KIF22: variants seen among roughly 807,000 people sequenced by gnomAD.
KIF22 encodes kinesin family member 22, also known as kinesin-like protein KIF22.
Under a neutral mutation model 73.0 loss-of-function variants are expected in KIF22, and 62 were observed. The observed-to-expected ratio is 0.85, with a 90% CI of 0.69 to 1.05. The LOEUF (loss-of-function observed/expected upper bound fraction) is 1.05, where lower values mean the gene tolerates loss of function less well. Ranked by LOEUF, KIF22 falls within the 50% of genes least tolerant of loss-of-function variation. The probability of loss-of-function intolerance (pLI) is 0.00; values close to 1 mark genes in which losing one functional copy is unlikely to be tolerated. For synonymous variants in KIF22, 411 were observed against 340.1 expected, an observed-to-expected ratio of 1.21 and a Z score of -2.29; for missense variants, 854 against 870.1, an observed-to-expected ratio of 0.98 and a Z score of 0.23.
At chr16:29,796,055 G>A (rs551526623) in intron 1 of KIF22, among the ~76,000 whole-genome samples, 2 of 151,998 alleles carry the variant, frequency 1.3e-5, no homozygotes, top group Non-Finnish European at 2.9e-5. Flanking sequence ...CAGATCACTT[G>A]AGGTCAGGAA....
chr16:29,803,077 G>T, intron 9 of KIF22, 140 bp downstream of exon 9: 1 of 839,264 alleles, frequency 1.2e-6, no homozygotes, highest in Non-Finnish European at 1.9e-6. Flanking sequence ...GCTTCTGCTT[G>T]AATGTCCTTA....
At chr16:29,799,884 T>C (rs746405107) in intron 7 of KIF22, 29 bp from the exon 8 acceptor site, 1 of 1,613,056 alleles carries the variant, frequency 6.2e-7, no homozygotes, top group South Asian at 1.1e-5. Context: ...CCCCAATCCC[T>C]CTCTCCACCC....
chr16:29,802,987 C>T (rs1268067946), intron 9 of KIF22, 50 bp downstream of exon 9: 5 of 1,567,802 alleles, frequency 3.2e-6, no homozygotes, highest in Non-Finnish European at 4.4e-6. Flanking sequence ...CCTTGAGAAG[C>T]AATCCTTGGA....
intron 8 of KIF22, 58 bp from the exon 9 acceptor site, chr16:29,802,711 T>C: frequency 6.8e-7 from 1 of 1,469,378 alleles, no homozygotes; most frequent in South Asian, 1.4e-5. Context: ...GGAGTCCTGC[T>C]GCTGTAGGTG....
chr16:29,802,706 C>T, intron 8 of KIF22, 63 bp from the exon 9 acceptor site: 2 of 1,449,752 alleles, frequency 1.4e-6, no homozygotes, highest in Middle Eastern at 2.3e-4. Context: ...TGAGGGGAGT[C>T]CTGCTGCTGT....
intron 1 of KIF22, among the ~76,000 whole-genome samples, chr16:29,794,607 A>C (rs905511828): frequency 1.3e-5 from 2 of 151,806 alleles, no homozygotes; most frequent in African/African-American, 4.8e-5. Context: ...TCTGAGACAC[A>C]GTCTTGCTCT....
Position 29,797,664 on chromosome 16 carries a change from G to C in KIF22, c.266+576G>C, listed in dbSNP as rs1480421283. On this transcript the variant is annotated intron_variant, in intron 2 of 13. Coordinates refer to ENST00000160827, the MANE Select transcript of KIF22 (RefSeq NM_007317.3). This position sits in a 1 kb window ranked among gnomAD's most constrained non-coding sequence, Gnocchi z 4.1. ...TTTCTGACTACAGTGGCAGAGTTGA[G>C]TAGTTGTAAAAGGAACACATGGCCC... Among the ~76,000 whole-genome samples, 1 of 152,188 alleles carries C rather than the reference G, an allele frequency of 6.6e-6. No individual in the cohort carries two copies. The highest frequency in any genetic ancestry group is 1.5e-5 in the Non-Finnish European group (1 of 68,028).
chr16:29,798,977 A>G lies in KIF22; in HGVS notation c.552A>G (p.Val184=). The change falls in exon 5 of 14, where the codon GTA becomes GTG. Residue 184 remains valine (V), a splice_region_variant and synonymous_variant. Transcript: ENST00000160827. The surrounding 1 kb of genome is among the most constrained non-coding windows in gnomAD (Gnocchi z 4.1). Reference sequence around the variant, plus strand: ...CTTCCCCTTCACTGCTTACACAGGTATTAGACCTCCTGGACCCTGCTTCGG... The same window carrying G: ...CTTCCCCTTCACTGCTTACACAGGTGTTAGACCTCCTGGACCCTGCTTCGG... The part of the protein sequence containing the change: ...MSYLEIYQEK[V]LDLLDPASGD... 1 of 1,614,056 alleles carries G rather than the reference A, an allele frequency of 6.2e-7. No individual in the cohort carries two copies. Among genetic ancestry groups the G allele is most frequent in the Non-Finnish European group, 8.5e-7 (1 of 1,179,898 alleles).
intron 8 of KIF22, among the ~76,000 whole-genome samples, chr16:29,802,207 A>G (rs192151212): frequency 6.5e-4 from 95 of 145,444 alleles, no homozygotes; most frequent in African/African-American, 2.1e-3. Context: ...GGCCAAGGCT[A>G]TAGTGAGCTG....
In KIF22 at chr16:29,803,771, C is replaced by T. The variant is rs138684384; in HGVS notation, c.1609+163C>T. ...GGCAGTGCTGGGGGTGCTCTGCCCT[C>T]GGGTGTTTAGGACAGTGGGATGGAC... On this transcript the variant is annotated intron_variant, in intron 10 of 13. Coordinates refer to ENST00000160827, the MANE Select transcript of KIF22 (RefSeq NM_007317.3). Among the ~76,000 whole-genome samples the T allele has an allele frequency of 1.2e-3, 184 of 152,200 alleles. 2 individuals are homozygous for T. The highest frequency in any genetic ancestry group is 4.0e-3 in the African/African-American group (167 of 41,510).
At chr16:29,792,468 A>G in intron 1 of KIF22, 1 of 931,156 alleles carries the variant, frequency 1.1e-6, no homozygotes, top group Non-Finnish European at 1.3e-6. Flanking sequence ...TTTTTCAGCA[A>G]ATACTTCTTG....
intron 8 of KIF22, among the ~76,000 whole-genome samples, chr16:29,802,329 A>G (rs1207401871): frequency 6.6e-6 from 1 of 150,704 alleles, no homozygotes; most frequent in African/African-American, 2.4e-5. Context: ...GTCAGTCAGG[A>G]CTGCTTGAAC....
In KIF22 at chr16:29,798,780, C is replaced by T. The variant is rs774315041; in HGVS notation, c.549+33C>T. 3 of 1,604,860 alleles carry T rather than the reference C, an allele frequency of 1.9e-6. No individual in the cohort carries two copies. In the South Asian group the frequency reaches 3.3e-5, roughly 18 times the overall value. On this transcript the variant is annotated intron_variant, in intron 4 of 13. Transcript: ENST00000160827. The surrounding 1 kb of genome is among the most constrained non-coding windows in gnomAD (Gnocchi z 4.1). ...CCCGTGCTGGTTGGGAGAGGAGCAA[C>T]AAAGGGTCAAAGTAAGACCTGGTTC... is the stretch of plus-strand genomic sequence containing the variant.
At chr16:29,803,345 C>T in intron 9 of KIF22, 104 bp from the exon 10 acceptor site, 3 of 1,389,430 alleles carry the variant, frequency 2.2e-6, no homozygotes, top group Non-Finnish European at 2.0e-6. Flanking sequence ...CCTAGCCCTG[C>T]CCTCTGGGGG....
Position 29,799,989 on chromosome 16 carries a change from A to G in KIF22, c.1221A>G (p.Glu407=). 2 of 1,614,124 alleles carry G rather than the reference A, an allele frequency of 1.2e-6. No individual in the cohort carries two copies. Among genetic ancestry groups the G allele is most frequent in the Non-Finnish European group, 1.7e-6 (2 of 1,180,020 alleles). ...PEAKRARGPE[E]EEIGSPEPMA... is the part of the protein sequence containing the mutation. ...CAAAGAGAGCCCGAGGCCCTGAGGA[A>G]GAGGAGATCGGGAGCCCTGAGCCCA... is the stretch of plus-strand genomic sequence containing the variant. Residue 407 remains glutamate, a synonymous_variant, in exon 8 of 14, where the codon GAA becomes GAG. Coordinates refer to ENST00000160827, the MANE Select transcript of KIF22 (RefSeq NM_007317.3).
chr16:29,800,426 C>G (rs1899098273), intron 8 of KIF22, among the ~76,000 whole-genome samples: 1 of 151,926 alleles, frequency 6.6e-6, no homozygotes, highest in South Asian at 2.1e-4. Flanking sequence ...CCATTGCACT[C>G]CAGCCTGGGC....
At chr16:29,800,410 TTG>T (rs1183680869) in intron 8 of KIF22, among the ~76,000 whole-genome samples, 1 of 151,704 alleles carries the variant, frequency 6.6e-6, no homozygotes, top group Non-Finnish European at 1.5e-5. Flanking sequence ...TGAGCTGAGA[TTG>T]TGGCCATTGC....
chr16:29,799,034 G>T lies in KIF22; in HGVS notation c.609G>T (p.Gly203=), dbSNP rs1446183798. 6.2e-7 allele frequency: 1 copy of T among 1,614,156 alleles called. No homozygotes were observed. Among genetic ancestry groups the T allele is most frequent in the Non-Finnish European group, 8.5e-7 (1 of 1,180,032 alleles). ...TGGTAATCCGAGAAGACTGCCGGGG[G>T]AATATCCTGATTCCGGGTCTCTCCC... ...GDLVIREDCR[G]NILIPGLSQK... The change falls in exon 5 of 14, where the codon GGG becomes GGT. Residue 203 remains glycine, a synonymous_variant. Coordinates refer to ENST00000160827, the MANE Select transcript of KIF22 (RefSeq NM_007317.3).
chr16:29,801,652 A>C (rs1899141781), intron 8 of KIF22, among the ~76,000 whole-genome samples: 1 of 152,190 alleles, frequency 6.6e-6, no homozygotes, highest in Non-Finnish European at 1.5e-5. Flanking sequence ...CAGGAGAGCA[A>C]GTCAGATGGG....
Sources: gnomAD v4.1 joint callset for allele counts (sites outside exome capture counted in the v4.1 genomes callset) on GRCh38, gnomAD v4.1.1 for gene constraint, Gnocchi (gnomAD v3.1) non-coding constraint, MANE v1.5 for transcripts, NCBI Gene and HGNC (gene_info 2026-07-23, HGNC 2026-07-21) for gene names.